The following FTCDNL1 variants were observed in gnomAD, a reference collection of about 807,000 sequenced individuals.
FTCDNL1 encodes the protein formiminotransferase cyclodeaminase N-terminal like, also known as formiminotransferase N-terminal subdomain-containing protein.
In FTCDNL1, 11 loss-of-function variants were observed where a neutral mutation model predicts 5.9. That is an observed-to-expected ratio of 1.87 (90% CI 1.18 to 3.10). The LOEUF (loss-of-function observed/expected upper bound fraction) is 3.10. Ranked by LOEUF, FTCDNL1 falls within the 30% of genes most tolerant of loss-of-function variation. The pLI is 0.00. For missense variants in FTCDNL1, 115 were observed against 65.5 expected, an observed-to-expected ratio of 1.76 and a Z score of -2.61; for synonymous variants, 58 against 24.8, an observed-to-expected ratio of 2.34 and a Z score of -3.99.
chr2:199,724,221 A>G, the FTCDNL1 span, among the ~76,000 whole-genome samples: 6 of 152,132 alleles, frequency 3.9e-5, no homozygotes. Context: ...CTGTGGGGTC[A>G]GTGGTGATAT....
the FTCDNL1 span, among the ~76,000 whole-genome samples, chr2:199,702,819 G>A: frequency 1.3e-5 from 2 of 152,160 alleles, no homozygotes; most frequent in African/African-American, 4.8e-5. Context: ...GACATTTAAG[G>A]AGAAAGTAAA....
At chr2:199,687,841 AAT>A in the FTCDNL1 span, among the ~76,000 whole-genome samples, 3 of 152,194 alleles carry the variant, frequency 2.0e-5, no homozygotes, top group South Asian at 2.1e-4. Flanking sequence ...CCTTCTTTGT[AAT>A]ATATGTGTTT....
chr2:199,829,252 C>T (rs1415202105), intron 3 of FTCDNL1, among the ~76,000 whole-genome samples: 1 of 152,064 alleles, frequency 6.6e-6, no homozygotes, highest in East Asian at 1.9e-4. Context: ...TCTGCCCTTC[C>T]CAATTTCTCT....
intron 3 of FTCDNL1, among the ~76,000 whole-genome samples, chr2:199,777,277 A>T (rs1234975364): frequency 6.6e-6 from 1 of 152,032 alleles, no homozygotes; most frequent in Non-Finnish European, 1.5e-5. Context: ...TGGGTGACAG[A>T]GCAAGACTCT....
At chr2:199,806,936 G>A (rs1700756707), downstream of FTCDNL1, among the ~76,000 whole-genome samples, 1 of 152,222 alleles carries the variant, frequency 6.6e-6, no homozygotes, top group Non-Finnish European at 1.5e-5. Flanking sequence ...CACAGTTGGT[G>A]AAAGGAGGGA....
chr2:199,848,246 C>T (rs184379723), intron 2 of FTCDNL1, among the ~76,000 whole-genome samples: 9 of 152,094 alleles, frequency 5.9e-5, no homozygotes, highest in Admixed American at 1.3e-4. Flanking sequence ...TAATACTGGC[C>T]GAGGGAATAA....
the FTCDNL1 span, among the ~76,000 whole-genome samples, chr2:199,704,819 T>G: frequency 6.6e-6 from 1 of 151,986 alleles, no homozygotes; most frequent in Non-Finnish European, 1.5e-5. Context: ...GAACTAGGAA[T>G]CTTGTAAACC....
At chr2:199,827,251 G>C (rs1377258955) in intron 3 of FTCDNL1, among the ~76,000 whole-genome samples, 1 of 152,204 alleles carries the variant, frequency 6.6e-6, no homozygotes, top group African/African-American at 2.4e-5. Flanking sequence ...GAAGCAAACA[G>C]ATCCAGAATG....
the FTCDNL1 span, among the ~76,000 whole-genome samples, chr2:199,677,468 C>T: frequency 6.6e-6 from 1 of 152,122 alleles, no homozygotes; most frequent in Admixed American, 6.5e-5. Context: ...TGGTCAGAGT[C>T]CAGCATATAT....
intron 3 of FTCDNL1, among the ~76,000 whole-genome samples, chr2:199,784,740 G>C (rs766947294): frequency 6.6e-6 from 1 of 152,178 alleles, no homozygotes; most frequent in Non-Finnish European, 1.5e-5. Context: ...CAGGGAGGAA[G>C]TGTGGCCTGG....
chr2:199,702,453 G>A, the FTCDNL1 span, among the ~76,000 whole-genome samples: 265 of 152,122 alleles, frequency 1.7e-3, 2 homozygotes, highest in African/African-American at 5.7e-3. Flanking sequence ...CCAAACCAGC[G>A]CCTAAGAATA....
At chr2:199,674,196 C>T in the FTCDNL1 span, among the ~76,000 whole-genome samples, 1 of 151,952 alleles carries the variant, frequency 6.6e-6, no homozygotes, top group East Asian at 1.9e-4. Context: ...AAGAATGTCA[C>T]TGAGTAGACA....
At chr2:199,715,686 A>G in the FTCDNL1 span, among the ~76,000 whole-genome samples, 1 of 152,200 alleles carries the variant, frequency 6.6e-6, no homozygotes, top group Non-Finnish European at 1.5e-5. Flanking sequence ...TAGCAACCCT[A>G]TGAGGTGCAG....
At chr2:199,801,919 C>T (rs1451060006) in intron 3 of FTCDNL1, among the ~76,000 whole-genome samples, 1 of 144,096 alleles carries the variant, frequency 6.9e-6, no homozygotes, top group Non-Finnish European at 1.5e-5. Context: ...GCCTGGGCGA[C>T]AGAGCGAGAC....
At chr2:199,705,597 G>C in the FTCDNL1 span, among the ~76,000 whole-genome samples, 2 of 151,480 alleles carry the variant, frequency 1.3e-5, no homozygotes, top group African/African-American at 4.9e-5. Context: ...TCTTTTTCTT[G>C]CCTTACTGCT....
chr2:199,726,420 T>C, the FTCDNL1 span, among the ~76,000 whole-genome samples: 2 of 152,342 alleles, frequency 1.3e-5, no homozygotes, highest in East Asian at 3.9e-4. Context: ...AGCCCAGTTC[T>C]GTGCCCTTGC....
chr2:199,690,908 A>G, the FTCDNL1 span, among the ~76,000 whole-genome samples: 1 of 152,186 alleles, frequency 6.6e-6, no homozygotes, highest in Non-Finnish European at 1.5e-5. Flanking sequence ...AAACTTTTGG[A>G]TCCAATGTAA....
the FTCDNL1 span, among the ~76,000 whole-genome samples, chr2:199,685,476 T>C: frequency 1.2e-4 from 19 of 152,156 alleles, no homozygotes; most frequent in African/African-American, 4.1e-4. Context: ...CACAGTTTTG[T>C]TTTTGTTTTT....
chr2:199,793,545 C>T (rs944610990), intron 3 of FTCDNL1, among the ~76,000 whole-genome samples: 1 of 151,976 alleles, frequency 6.6e-6, no homozygotes, highest in Non-Finnish European at 1.5e-5. Context: ...TGAATTTTCA[C>T]AAAATCATCC....
Sources: allele counts gnomAD v4.1 joint callset (sites outside exome capture counted in the v4.1 genomes callset), GRCh38; gene constraint gnomAD v4.1.1; transcripts MANE v1.5; gene names NCBI Gene and HGNC (gene_info 2026-07-23, HGNC 2026-07-21).